Variants in ADARB2 observed in about 807,000 individuals in gnomAD.
The protein encoded by ADARB2 is adenosine deaminase RNA specific B2 (inactive), also known as inactive double-stranded RNA-specific editase B2.
A neutral mutation model predicts 62.2 loss-of-function variants in ADARB2; 25 were observed. That is an observed-to-expected ratio of 0.40 (90% CI 0.29 to 0.56). The LOEUF (loss-of-function observed/expected upper bound fraction) is 0.56, where lower values mean the gene tolerates loss of function less well. ADARB2 is among the 20% of genes least tolerant of loss of function. ADARB2 has a pLI of 0.43. For missense variants in ADARB2, 1,071 were observed against 1,077.4 expected, an observed-to-expected ratio of 0.99 and a Z score of 0.08; for synonymous variants, 572 against 500.8, an observed-to-expected ratio of 1.14 and a Z score of -1.90.
At chr10:1,431,997 C>T (rs983602023) in intron 1 of ADARB2, among the ~76,000 whole-genome samples, 1 of 152,188 alleles carries the variant, frequency 6.6e-6, no homozygotes, top group African/African-American at 2.4e-5. Flanking sequence ...CGCCACACTT[C>T]AGATTAGGTC....
chr10:1,472,465 G>A (rs1050955070), intron 1 of ADARB2, among the ~76,000 whole-genome samples: 5 of 152,154 alleles, frequency 3.3e-5, no homozygotes, highest in Non-Finnish European at 5.9e-5. Context: ...CAGGTGTGAC[G>A]AGCTCTGGAC....
intron 1 of ADARB2, among the ~76,000 whole-genome samples, chr10:1,584,520 T>A (rs796481389): frequency 5.3e-5 from 8 of 152,228 alleles, no homozygotes; most frequent in African/African-American, 1.9e-4. Context: ...CTTCTGTGGA[T>A]GACAGTTCCA....
At chr10:1,358,758 G>A (rs1284680039) in intron 3 of ADARB2, among the ~76,000 whole-genome samples, 1 of 152,058 alleles carries the variant, frequency 6.6e-6, no homozygotes, top group East Asian at 1.9e-4. Context: ...AGGGTGTGTG[G>A]ACAACAGGGT....
intron 1 of ADARB2, among the ~76,000 whole-genome samples, chr10:1,434,293 T>C (rs1386911632): frequency 6.6e-6 from 1 of 152,244 alleles, no homozygotes; most frequent in Non-Finnish European, 1.5e-5. Context: ...ATGTTTTGCC[T>C]CTCACCGCTT....
In ADARB2 at chr10:1,628,955, C is replaced by T. The variant is rs76211519; in HGVS notation, c.100+108096G>A. 2.4e-3 allele frequency among the ~76,000 whole-genome samples: 370 copies of T among 152,302 alleles called. 3 individuals carry two copies. The highest frequency in any genetic ancestry group is 8.0e-3 in the African/African-American group (331 of 41,570). On this transcript the variant is annotated intron_variant, in intron 1 of 9. Coordinates refer to ENST00000381312, the MANE Select transcript of ADARB2 (RefSeq NM_018702.4). ...ATCGGTCTGTGCTTCTTCCCTGTAG[C>T]TCCTGCGAGGGCTGGACAGCTGGCC...
chr10:1,242,406 T>G, intron 4 of ADARB2, 107 bp from the exon 5 acceptor site: 1 of 1,355,368 alleles, frequency 7.4e-7, no homozygotes, highest in Non-Finnish European at 9.8e-7. Context: ...TTAGGAAACC[T>G]TGGAAACACT....
At chr10:1,202,112 G>GTTTTTTTTGT (rs1836994676) in intron 7 of ADARB2, among the ~76,000 whole-genome samples, 1 of 150,506 alleles carries the variant, frequency 6.6e-6, no homozygotes. Flanking sequence ...TGTTTGTTTT[G>GTTTTTTTTGT]TTTTTTTTTC....
intron 1 of ADARB2, among the ~76,000 whole-genome samples, chr10:1,680,181 T>G (rs552078211): frequency 3.7e-5 from 5 of 136,096 alleles, no homozygotes; most frequent in Non-Finnish European, 8.2e-5. Flanking sequence ...CTACATATTC[T>G]TTCCTGTGTA....
rs975190492 is a variant in ADARB2 at position 1,375,917 on chromosome 10, C to T, written c.187+3157G>A. ...ACACACGTGCACATACCACACTTGCCACACATGCACACACGTGCACAGACA... is the reference window on the plus strand; with the variant it reads ...ACACACGTGCACATACCACACTTGCTACACATGCACACACGTGCACAGACA... On this transcript the variant is annotated intron_variant, in intron 2 of 9. Transcript: ENST00000381312. Among the ~76,000 whole-genome samples the T allele has an allele frequency of 4.0e-5, 6 of 150,508 alleles. No individual in the cohort carries two copies. In the East Asian group the frequency reaches 1.2e-3, roughly 29 times the overall value.
chr10:1,652,984 A>T (rs1834129732), intron 1 of ADARB2, among the ~76,000 whole-genome samples: 1 of 152,154 alleles, frequency 6.6e-6, no homozygotes, highest in Non-Finnish European at 1.5e-5. Context: ...AGCCCCTCAG[A>T]CGATGGAGGC....
intron 3 of ADARB2, among the ~76,000 whole-genome samples, chr10:1,346,228 T>C (rs948681548): frequency 2.0e-5 from 3 of 152,180 alleles, no homozygotes; most frequent in Non-Finnish European, 2.9e-5. Flanking sequence ...TCCACTTTAT[T>C]ACTCCCCATG....
chr10:1,185,469 C>A (rs1000086426), intron 8 of ADARB2, among the ~76,000 whole-genome samples: 1 of 151,428 alleles, frequency 6.6e-6, no homozygotes, highest in East Asian at 2.0e-4. Context: ...CCCTGGCTCC[C>A]TCGGGTTTAC....
chr10:1,730,138 G>A lies in ADARB2; in HGVS notation c.100+6913C>T, dbSNP rs577328585. ...GGTTTACAAATAGATTCTGAGCAAT[G>A]TTCATTTTATTTATGATCCAAATGG... On this transcript the variant is annotated intron_variant, in intron 1 of 9. Coordinates refer to ENST00000381312, the MANE Select transcript of ADARB2 (RefSeq NM_018702.4). Among the ~76,000 whole-genome samples, 19 of 152,242 alleles carry A rather than the reference G, an allele frequency of 1.2e-4. No individual in the cohort carries two copies. In the South Asian group the frequency reaches 3.5e-3, roughly 28 times the overall value.
chr10:1,318,447 T>C lies in ADARB2; in HGVS notation c.1077+44581A>G, dbSNP rs75875363. Among the ~76,000 whole-genome samples, 1,211 of 152,328 alleles carry C rather than the reference T, an allele frequency of 7.9e-3. 24 individuals are homozygous for C. Among genetic ancestry groups the C allele is most frequent in the African/African-American group, 0.027 (1,109 of 41,564 alleles). ...AGGGATGTGGGAAAGCCAGACCATT[T>C]GCTAGAAACAAGCAGTACCATTTGC... On this transcript the variant is annotated intron_variant, in intron 3 of 9. Transcript: ENST00000381312.
intron 3 of ADARB2, among the ~76,000 whole-genome samples, chr10:1,274,562 G>GA (rs1831296049): frequency 6.6e-6 from 1 of 152,102 alleles, no homozygotes; most frequent in African/African-American, 2.4e-5. Context: ...AGAGGCTCCA[G>GA]CACAGGACAT....
intron 3 of ADARB2, among the ~76,000 whole-genome samples, chr10:1,277,284 CA>C (rs1158824484): frequency 2.0e-5 from 3 of 152,020 alleles, no homozygotes; most frequent in South Asian, 2.1e-4. Flanking sequence ...AATAGAGACA[CA>C]AAAAACCCTT....
At chr10:1,315,555 A>G (rs959479792) in intron 3 of ADARB2, among the ~76,000 whole-genome samples, 4 of 152,218 alleles carry the variant, frequency 2.6e-5, no homozygotes, top group African/African-American at 9.6e-5. Flanking sequence ...GAAATGTCAT[A>G]TTTGTAGGGC....
intron 1 of ADARB2, among the ~76,000 whole-genome samples, chr10:1,530,515 G>A (rs1273607006): frequency 6.6e-6 from 1 of 152,222 alleles, no homozygotes; most frequent in Non-Finnish European, 1.5e-5. Context: ...CGTGGCCTCT[G>A]TGGGAGCCAC....
chr10:1,379,692 G>A (rs1295173873), intron 1 of ADARB2, among the ~76,000 whole-genome samples: 3 of 152,194 alleles, frequency 2.0e-5, no homozygotes, highest in South Asian at 2.1e-4. Flanking sequence ...GGGAGCTAGC[G>A]GTGTGGGGCA....
Sources: gnomAD v4.1 joint callset for allele counts (sites outside exome capture counted in the v4.1 genomes callset) on GRCh38, gnomAD v4.1.1 for gene constraint, MANE v1.5 for transcripts, NCBI Gene and HGNC (gene_info 2026-07-23, HGNC 2026-07-21) for gene names.